PTPRD: variants seen among roughly 807,000 people sequenced by gnomAD.
PTPRD encodes the protein receptor-type tyrosine-protein phosphatase delta.
Under a neutral mutation model 214.5 loss-of-function variants are expected in PTPRD, and 34 were observed. The observed-to-expected ratio is 0.16, with a 90% CI of 0.12 to 0.21. The LOEUF is 0.21. Ranked by LOEUF, PTPRD falls within the 10% of genes least tolerant of loss-of-function variation. The probability of loss-of-function intolerance (pLI) is 1.00; values close to 1 mark genes in which losing one functional copy is unlikely to be tolerated. For synonymous variants in PTPRD, 1,128 were observed against 845.7 expected, an observed-to-expected ratio of 1.33 and a Z score of -5.79; for missense variants, 2,545 against 2,398.7, an observed-to-expected ratio of 1.06 and a Z score of -1.27.
At chr9:9,364,145 G>C (rs1170376599) in intron 9 of PTPRD, among the ~76,000 whole-genome samples, 1 of 151,384 alleles carries the variant, frequency 6.6e-6, no homozygotes, top group African/African-American at 2.4e-5. Context: ...AATTAGCTTT[G>C]GGAATAGAAA....
chr9:9,970,976 T>G (rs1050804433), intron 4 of PTPRD, among the ~76,000 whole-genome samples: 4 of 152,224 alleles, frequency 2.6e-5, no homozygotes, highest in African/African-American at 9.7e-5. Flanking sequence ...TAATGAAATA[T>G]CCTTTTAAAT....
At chr9:9,588,036 G>C (rs577845794) in intron 7 of PTPRD, among the ~76,000 whole-genome samples, 2 of 151,948 alleles carry the variant, frequency 1.3e-5, no homozygotes, top group East Asian at 1.9e-4. Flanking sequence ...TAATACACAA[G>C]ATCATGGATA....
At chr9:9,408,004 C>G (rs2074113782) in intron 8 of PTPRD, among the ~76,000 whole-genome samples, 1 of 151,608 alleles carries the variant, frequency 6.6e-6, no homozygotes, top group African/African-American at 2.4e-5. Flanking sequence ...AGGCAATCTG[C>G]CTGTGGGGTA....
chr9:9,584,738 T>A (rs528295541), intron 7 of PTPRD, among the ~76,000 whole-genome samples: 5 of 151,984 alleles, frequency 3.3e-5, no homozygotes, highest in Admixed American at 2.6e-4. Flanking sequence ...GCACCCTTTA[T>A]GCTTTTTCTA....
intron 5 of PTPRD, among the ~76,000 whole-genome samples, chr9:9,862,766 A>G (rs1415808849): frequency 6.6e-6 from 1 of 152,064 alleles, no homozygotes; most frequent in African/African-American, 2.4e-5. Flanking sequence ...CAACCCTAAC[A>G]CTTAACCAAA....
chr9:10,057,077 G>A (rs2097665878), intron 3 of PTPRD, among the ~76,000 whole-genome samples: 1 of 152,120 alleles, frequency 6.6e-6, no homozygotes, highest in Non-Finnish European at 1.5e-5. Flanking sequence ...CTGGTTCCTA[G>A]TCCCATCTTA....
chr9:10,473,714 C>T (rs1326362256), intron 2 of PTPRD, among the ~76,000 whole-genome samples: 1 of 151,964 alleles, frequency 6.6e-6, no homozygotes, highest in Non-Finnish European at 1.5e-5. Context: ...TGAAAGTGTT[C>T]AGTGATCCTA....
At chr9:8,878,039 A>G (rs569014965) in intron 11 of PTPRD, among the ~76,000 whole-genome samples, 1 of 152,204 alleles carries the variant, frequency 6.6e-6, no homozygotes, top group Non-Finnish European at 1.5e-5. Context: ...TCAAGTATAC[A>G]CTTTATATAA....
intron 4 of PTPRD, among the ~76,000 whole-genome samples, chr9:9,941,691 C>T (rs1387070242): frequency 6.6e-6 from 1 of 152,114 alleles, no homozygotes; most frequent in Non-Finnish European, 1.5e-5. Context: ...ATCCTCTTTT[C>T]CCAAAGGACA....
At chr9:10,028,984 G>A (rs896878819) in intron 4 of PTPRD, among the ~76,000 whole-genome samples, 1 of 152,104 alleles carries the variant, frequency 6.6e-6, no homozygotes. Context: ...TCCCTGGGCT[G>A]TGTGCCGCCT....
intron 43 of PTPRD, among the ~76,000 whole-genome samples, chr9:8,337,921 G>A (rs1184310207): frequency 5.9e-5 from 9 of 151,572 alleles, no homozygotes; most frequent in African/African-American, 2.2e-4. Context: ...AAGACCTAGA[G>A]ATTTAACTGC....
intron 22 of PTPRD, among the ~76,000 whole-genome samples, chr9:8,506,096 T>C (rs758678454): frequency 1.3e-5 from 2 of 152,238 alleles, no homozygotes; most frequent in African/African-American, 2.4e-5. Context: ...TTCAAACAGA[T>C]GGAATAAAAC....
intron 35 of PTPRD, among the ~76,000 whole-genome samples, chr9:8,413,723 A>T (rs560642636): frequency 1.3e-5 from 2 of 152,290 alleles, no homozygotes; most frequent in East Asian, 3.9e-4. Flanking sequence ...AGTATTTACA[A>T]TCTAAAGTGT....
At chr9:10,501,800 T>C (rs1412787111) in intron 2 of PTPRD, among the ~76,000 whole-genome samples, 2 of 151,998 alleles carry the variant, frequency 1.3e-5, no homozygotes, top group Non-Finnish European at 2.9e-5. Context: ...TACACTCTAA[T>C]TGCTTTGTTG....
intron 11 of PTPRD, among the ~76,000 whole-genome samples, chr9:8,974,961 G>A (rs1265176871): frequency 1.3e-5 from 2 of 151,748 alleles, no homozygotes; most frequent in Non-Finnish European, 2.9e-5. Flanking sequence ...CCTAGGTGTG[G>A]TGGCGGGTGC....
Position 9,069,626 on chromosome 9 carries a change from TA to T in PTPRD, c.-142-50892del, listed in dbSNP as rs1457487217. Reference sequence around the variant, plus strand: ...CCAGCAAAGTTATAAACTCTTTTATTAAATGCCAATTATTTAGTTTCTTGTA... The same window carrying T: ...CCAGCAAAGTTATAAACTCTTTTATTAATGCCAATTATTTAGTTTCTTGTA... On this transcript the variant is annotated intron_variant, in intron 10 of 45. Transcript: ENST00000381196. 2.0e-5 allele frequency among the ~76,000 whole-genome samples: 3 copies of T among 152,336 alleles called. No homozygotes were observed. In the East Asian group the frequency reaches 5.8e-4, roughly 29 times the overall value.
intron 7 of PTPRD, among the ~76,000 whole-genome samples, chr9:9,720,975 C>G (rs946716997): frequency 6.6e-6 from 1 of 151,790 alleles, no homozygotes; most frequent in Non-Finnish European, 1.5e-5. Flanking sequence ...ACACTGGAGA[C>G]TATTTGAGGG....
At chr9:9,354,995 A>G (rs1051872175) in intron 9 of PTPRD, among the ~76,000 whole-genome samples, 4 of 151,762 alleles carry the variant, frequency 2.6e-5, no homozygotes, top group African/African-American at 9.7e-5. Flanking sequence ...AAGGTACCAG[A>G]TAATTAGGTG....
At chr9:8,322,211 T>C (rs927499188) in intron 44 of PTPRD, among the ~76,000 whole-genome samples, 1 of 152,118 alleles carries the variant, frequency 6.6e-6, no homozygotes, top group Non-Finnish European at 1.5e-5. Flanking sequence ...ATTAGGCCAG[T>C]TAATAACCCT....
Sources: gnomAD v4.1 joint callset for allele counts (sites outside exome capture counted in the v4.1 genomes callset) on GRCh38, gnomAD v4.1.1 for gene constraint, MANE v1.5 for transcripts, NCBI Gene and HGNC (gene_info 2026-07-23, HGNC 2026-07-21) for gene names.